VAT1L: variants seen among roughly 807,000 people sequenced by gnomAD.
The protein encoded by VAT1L is vesicle amine transport 1 like.
In VAT1L, 34 loss-of-function variants were observed where a neutral mutation model predicts 44.1. The ratio of observed to expected loss-of-function variants is 0.77; its 90% confidence interval spans 0.59 to 1.03. VAT1L has a LOEUF of 1.03. VAT1L is among the 50% of genes least tolerant of loss of function. VAT1L has a pLI of 0.00. For missense variants in VAT1L, 615 were observed against 538.8 expected, an observed-to-expected ratio of 1.14 and a Z score of -1.40; for synonymous variants, 253 against 202.2, an observed-to-expected ratio of 1.25 and a Z score of -2.13.
chr16:77,979,651 G>T lies in VAT1L; in HGVS notation c.*1956G>T, dbSNP rs10514435. ...TCACATCGCCTTTGTTATGTCCAGAGGAGAGGCATAAAAAGGCACTCTCCC... is the reference window on the plus strand; with the variant it reads ...TCACATCGCCTTTGTTATGTCCAGATGAGAGGCATAAAAAGGCACTCTCCC... On this transcript the variant is annotated 3_prime_UTR_variant, in exon 9 of 9. Coordinates refer to ENST00000302536, the MANE Select transcript of VAT1L (RefSeq NM_020927.3). 5 of 152,050 alleles carry T rather than the reference G, an allele frequency of 3.3e-5. No homozygotes were observed. In the East Asian group the frequency reaches 7.8e-4, roughly 24 times the overall value. The allele number at this position is 152,050 out of a possible 1,614,324, so 9.4% of individuals were successfully genotyped here.
At chr16:77,933,012 C>G (rs2017750307) in intron 7 of VAT1L, among the ~76,000 whole-genome samples, 1 of 152,174 alleles carries the variant, frequency 6.6e-6, no homozygotes, top group East Asian at 1.9e-4. Context: ...ATGGCCCCAC[C>G]TGACTCCAAG....
At chr16:77,909,372 C>T (rs2017473923) in intron 7 of VAT1L, among the ~76,000 whole-genome samples, 2 of 152,156 alleles carry the variant, frequency 1.3e-5, no homozygotes, top group South Asian at 4.1e-4. Context: ...TGCAGTGGCT[C>T]ATGCCTGTAA....
At chr16:77,889,046 G>T (rs543024509) in intron 7 of VAT1L, among the ~76,000 whole-genome samples, 4 of 152,124 alleles carry the variant, frequency 2.6e-5, no homozygotes, top group Non-Finnish European at 5.9e-5. Context: ...AGCTCTTCTG[G>T]GCTTGAGGAG....
chr16:77,795,500 T>C (rs2015913377), intron 1 of VAT1L, among the ~76,000 whole-genome samples: 1 of 152,156 alleles, frequency 6.6e-6, no homozygotes, highest in Non-Finnish European at 1.5e-5. Flanking sequence ...GATGGCTTGT[T>C]TGTAGTAGGT....
intron 1 of VAT1L, among the ~76,000 whole-genome samples, chr16:77,797,772 T>A (rs2015965180): frequency 6.6e-6 from 1 of 152,172 alleles, no homozygotes. Flanking sequence ...GAGAGAGCCT[T>A]TTGGACATCT....
At chr16:77,933,387 A>G (rs1260553334) in intron 7 of VAT1L, among the ~76,000 whole-genome samples, 1 of 152,228 alleles carries the variant, frequency 6.6e-6, no homozygotes, top group Non-Finnish European at 1.5e-5. Context: ...TTAAATCAGA[A>G]ATCCATTCAT....
intron 7 of VAT1L, among the ~76,000 whole-genome samples, chr16:77,899,114 A>G (rs1429568657): frequency 6.6e-6 from 1 of 152,166 alleles, no homozygotes; most frequent in African/African-American, 2.4e-5. Context: ...GCTCATCTAG[A>G]CTCATGGCAA....
intron 7 of VAT1L, among the ~76,000 whole-genome samples, chr16:77,898,201 T>G (rs1437995604): frequency 6.6e-6 from 1 of 152,300 alleles, no homozygotes; most frequent in African/African-American, 2.4e-5. Context: ...AGTATTGGAT[T>G]AGGGCCCACC....
At chr16:77,974,476 G>A (rs1042633253) in intron 8 of VAT1L, among the ~76,000 whole-genome samples, 4 of 152,210 alleles carry the variant, frequency 2.6e-5, no homozygotes, top group Admixed American at 2.6e-4. Flanking sequence ...TCTTACTGGA[G>A]CAGATGCTGA....
chr16:77,916,642 A>G (rs769000221), intron 7 of VAT1L, among the ~76,000 whole-genome samples: 1 of 152,104 alleles, frequency 6.6e-6, no homozygotes, highest in Non-Finnish European at 1.5e-5. Flanking sequence ...TATACATAAG[A>G]GCGTTTTGTA....
chr16:77,857,608 A>G (rs1347101323), intron 3 of VAT1L, among the ~76,000 whole-genome samples: 1 of 151,038 alleles, frequency 6.6e-6, no homozygotes, highest in African/African-American at 2.4e-5. Flanking sequence ...CACATAGCAT[A>G]CTAATCTTAA....
At chr16:77,920,953 T>C (rs889119155) in intron 7 of VAT1L, among the ~76,000 whole-genome samples, 2 of 150,714 alleles carry the variant, frequency 1.3e-5, no homozygotes, top group Admixed American at 6.6e-5. Context: ...GTGTGTAGTG[T>C]GTATGTGCAT....
chr16:77,887,066 G>A (rs1335325924), intron 7 of VAT1L, among the ~76,000 whole-genome samples: 1 of 152,128 alleles, frequency 6.6e-6, no homozygotes, highest in African/African-American at 2.4e-5. Flanking sequence ...CTTTAAAGAG[G>A]GAAGGTTTCT....
intron 7 of VAT1L, among the ~76,000 whole-genome samples, chr16:77,934,790 G>A (rs932899584): frequency 3.3e-5 from 5 of 152,126 alleles, no homozygotes; most frequent in African/African-American, 1.2e-4. Flanking sequence ...TTAATTGTGT[G>A]ATATATTGAG....
At chr16:77,918,773 T>C (rs1227783013) in intron 7 of VAT1L, among the ~76,000 whole-genome samples, 1 of 152,208 alleles carries the variant, frequency 6.6e-6, no homozygotes, top group African/African-American at 2.4e-5. Flanking sequence ...TTTCTCCTCC[T>C]TCCAACTCTG....
rs1371059706 is a variant in VAT1L, at chr16:77,862,815, T to C, written c.647T>C (p.Phe216Ser). ...ACTGTCTTTGGAACAGCCTCTACTT[T>C]CAAGCATGAAGCAATCAAAGACTCT... ...NVTVFGTASTFKHEAIKDSVT... is the reference protein window; with the variant it reads ...NVTVFGTASTSKHEAIKDSVT... The change falls in exon 4 of 9, where the codon TTC (phenylalanine) becomes TCC (serine). Residue 216 changes from phenylalanine to serine, a missense_variant. Coordinates refer to ENST00000302536, the MANE Select transcript of VAT1L (RefSeq NM_020927.3). 1 of 1,613,990 alleles carries C rather than the reference T, an allele frequency of 6.2e-7. No homozygotes were observed. Among genetic ancestry groups the C allele is most frequent in the South Asian group, 1.1e-5 (1 of 91,086 alleles).
At chr16:77,916,137 C>G (rs971781028) in intron 7 of VAT1L, among the ~76,000 whole-genome samples, 1 of 152,116 alleles carries the variant, frequency 6.6e-6, no homozygotes, top group Non-Finnish European at 1.5e-5. Context: ...GGTAGTAGCA[C>G]GGTAGGGTCT....
At chr16:77,886,782 G>A (rs574837007) in intron 7 of VAT1L, among the ~76,000 whole-genome samples, 1 of 152,128 alleles carries the variant, frequency 6.6e-6, no homozygotes, top group Non-Finnish European at 1.5e-5. Flanking sequence ...GTGAGTGGAG[G>A]GGGGAGACTT....
intron 7 of VAT1L, among the ~76,000 whole-genome samples, chr16:77,968,224 A>G (rs898693140): frequency 6.6e-6 from 1 of 152,274 alleles, no homozygotes; most frequent in Middle Eastern, 3.4e-3. Flanking sequence ...GGGGTGTTAC[A>G]GGAAAGGGGT....
Sources: allele counts gnomAD v4.1 joint callset (sites outside exome capture counted in the v4.1 genomes callset), GRCh38; gene constraint gnomAD v4.1.1; transcripts MANE v1.5; gene names NCBI Gene and HGNC (gene_info 2026-07-23, HGNC 2026-07-21).